Variants in ACYP2 observed in about 807,000 individuals in gnomAD.
ACYP2 encodes the protein acylphosphatase-2.
In ACYP2, 12 loss-of-function variants were observed where a neutral mutation model predicts 11.2. The ratio of observed to expected loss-of-function variants is 1.08; its 90% CI spans 0.69 to 1.74. The LOEUF is 1.74. Ranked by LOEUF, ACYP2 falls within the 40% of genes most tolerant of loss-of-function variation. The pLI is 0.00. For synonymous variants in ACYP2, 43 were observed against 32.2 expected (o/e 1.33, Z -1.13); for missense variants, 134 against 101.9 (o/e 1.31, Z -1.35).
intron 6 of ACYP2, among the ~76,000 whole-genome samples, chr2:54,173,087 G>A (rs1457097232): frequency 6.6e-6 from 1 of 152,194 alleles, no homozygotes; most frequent in Non-Finnish European, 1.5e-5. Context: ...ATGTCAAATG[G>A]TATTTCTACT....
intron 6 of ACYP2, among the ~76,000 whole-genome samples, chr2:54,166,133 G>A (rs1682960785): frequency 6.6e-6 from 1 of 152,166 alleles, no homozygotes; most frequent in Admixed American, 6.5e-5. Context: ...TGCCTGGTTA[G>A]TCAGTCAAGG....
intron 6 of ACYP2, among the ~76,000 whole-genome samples, chr2:54,162,416 T>C (rs1682760304): frequency 6.6e-6 from 1 of 152,180 alleles, no homozygotes; most frequent in African/African-American, 2.4e-5. Context: ...CTCTCTTCTA[T>C]TGGAAGTGCA....
chr2:54,206,073 T>A (rs1467870317), intron 6 of ACYP2, among the ~76,000 whole-genome samples: 1 of 152,206 alleles, frequency 6.6e-6, no homozygotes, highest in African/African-American at 2.4e-5. Flanking sequence ...TGCATTCTTT[T>A]GAGAAGGAAT....
intron 6 of ACYP2, among the ~76,000 whole-genome samples, chr2:54,299,511 G>A (rs1225789585): frequency 1.3e-5 from 2 of 150,710 alleles, no homozygotes; most frequent in Non-Finnish European, 2.9e-5. Flanking sequence ...AGAATTGCTT[G>A]AACTTGGGAG....
intron 4 of ACYP2, among the ~76,000 whole-genome samples, chr2:54,088,516 G>A (rs1045032870): frequency 5.3e-5 from 8 of 152,148 alleles, no homozygotes; most frequent in Admixed American, 1.3e-4. Flanking sequence ...TCTCCTCAGC[G>A]GGGTCAGAGA....
chr2:54,201,481 A>C (rs1336467981), intron 6 of ACYP2, among the ~76,000 whole-genome samples: 1 of 151,632 alleles, frequency 6.6e-6, no homozygotes, highest in African/African-American at 2.4e-5. Flanking sequence ...CAGATATAGA[A>C]TTTGCAAATA....
At chr2:54,294,421 C>T (rs992083579) in intron 6 of ACYP2, among the ~76,000 whole-genome samples, 6 of 151,872 alleles carry the variant, frequency 4.0e-5, no homozygotes, top group African/African-American at 1.5e-4. Flanking sequence ...TCAGAACCCG[C>T]GGGATTCCTC....
intron 6 of ACYP2, among the ~76,000 whole-genome samples, chr2:54,302,741 G>C (rs183071255): frequency 6.6e-6 from 1 of 151,982 alleles, no homozygotes; most frequent in African/African-American, 2.4e-5. Flanking sequence ...TCCTCTCACA[G>C]TCTCTCCATT....
chr2:54,152,978 T>TC (rs1431603914), intron 6 of ACYP2, among the ~76,000 whole-genome samples: 1 of 152,192 alleles, frequency 6.6e-6, no homozygotes, highest in East Asian at 1.9e-4. Flanking sequence ...CTTCCAAGTT[T>TC]TGTCAATTAT....
intron 1 of ACYP2, among the ~76,000 whole-genome samples, chr2:53,972,679 C>T (rs1193720024): frequency 2.6e-5 from 4 of 152,036 alleles, no homozygotes; most frequent in African/African-American, 7.2e-5. Context: ...AACTGGAGGA[C>T]CCTTTAAGGT....
intron 4 of ACYP2, among the ~76,000 whole-genome samples, chr2:54,101,657 G>T (rs1678898485): frequency 7.5e-6 from 1 of 133,836 alleles, no homozygotes; most frequent in Non-Finnish European, 1.6e-5. Flanking sequence ...TTGGGTTACA[G>T]AGGGAGACTG....
intron 3 of ACYP2, among the ~76,000 whole-genome samples, chr2:54,054,575 T>A (rs1676024032): frequency 6.6e-6 from 1 of 152,258 alleles, no homozygotes; most frequent in African/African-American, 2.4e-5. Context: ...ATAACAGTAC[T>A]GTGTGTTAAC....
intron 6 of ACYP2, among the ~76,000 whole-genome samples, chr2:54,289,327 T>C (rs1207582015): frequency 3.3e-5 from 5 of 152,026 alleles, no homozygotes; most frequent in Admixed American, 6.5e-5. Context: ...GATTTATTTA[T>C]GAAAACTACA....
chr2:54,197,707 C>T (rs1304936198), intron 6 of ACYP2, among the ~76,000 whole-genome samples: 2 of 152,040 alleles, frequency 1.3e-5, no homozygotes, highest in Non-Finnish European at 2.9e-5. Context: ...GGCAGGAACA[C>T]ATTTTCTTTG....
At chr2:54,130,783 T>G (rs1680855092) in intron 4 of ACYP2, among the ~76,000 whole-genome samples, 1 of 152,218 alleles carries the variant, frequency 6.6e-6, no homozygotes, top group Admixed American at 6.5e-5. Flanking sequence ...TATCCAGATA[T>G]GCCCTGATCT....
intron 6 of ACYP2, among the ~76,000 whole-genome samples, chr2:54,172,496 A>C (rs1001296): frequency 0.14 from 21,180 of 152,206 alleles, 3,558 homozygotes; most frequent in African/African-American, 0.4. Flanking sequence ...CAATGTGTGT[A>C]ACCCATGGCA....
At chr2:54,286,098 T>C (rs1389329808) in intron 6 of ACYP2, among the ~76,000 whole-genome samples, 1 of 152,126 alleles carries the variant, frequency 6.6e-6, no homozygotes, top group Non-Finnish European at 1.5e-5. Flanking sequence ...CTGAACACCA[T>C]AGCTTAGCCT....
At chr2:54,091,997 A>C (rs1400041477) in intron 4 of ACYP2, among the ~76,000 whole-genome samples, 1 of 152,100 alleles carries the variant, frequency 6.6e-6, no homozygotes, top group African/African-American at 2.4e-5. Flanking sequence ...ACTGTGGGGA[A>C]AGAGAGTGAG....
chr2:54,234,277 C>A (rs1429782743), intron 6 of ACYP2, among the ~76,000 whole-genome samples: 2 of 152,226 alleles, frequency 1.3e-5, no homozygotes, highest in Admixed American at 6.5e-5. Flanking sequence ...AGAAAGTCAA[C>A]AAGCAAAATG....
Sources: allele counts gnomAD v4.1 joint callset (sites outside exome capture counted in the v4.1 genomes callset), GRCh38; gene constraint gnomAD v4.1.1; transcripts MANE v1.5; gene names NCBI Gene and HGNC (gene_info 2026-07-23, HGNC 2026-07-21).